MYOF: variants seen among roughly 807,000 people sequenced by gnomAD.
The protein encoded by MYOF is myoferlin.
In MYOF, 244 loss-of-function variants were observed where a neutral mutation model predicts 284.2. The ratio of observed to expected loss-of-function variants is 0.86; its 90% CI spans 0.77 to 0.95. The LOEUF (loss-of-function observed/expected upper bound fraction) is 0.95. MYOF is among the 40% of genes least tolerant of loss of function. The pLI is 0.00. For synonymous variants in MYOF, 904 were observed against 919.7 expected (o/e 0.98, Z 0.31); for missense variants, 2,496 against 2,560.6 (o/e 0.97, Z 0.54).
intron 25 of MYOF, among the ~76,000 whole-genome samples, chr10:93,367,130 G>A (rs969922383): frequency 3.9e-5 from 6 of 152,198 alleles, no homozygotes; most frequent in African/African-American, 9.7e-5. Flanking sequence ...AAAGTTATGA[G>A]CCTTAATTCC....
Position 93,396,229 on chromosome 10 carries a change from G to T in MYOF, c.1335-5C>A, listed in dbSNP as rs751836503. On this transcript the variant is annotated splice_region_variant and splice_polypyrimidine_tract_variant and intron_variant, in intron 15 of 53. Coordinates refer to ENST00000359263, the MANE Select transcript of MYOF (RefSeq NM_013451.4). ...TCATTTTTAGTAAGACGGTCCCTGT[G>T]TAAAAAATAAAAATAAAAAAATAAA... 2.5e-6 allele frequency: 4 copies of T among 1,568,980 alleles called. No individual in the cohort carries two copies. In the African/African-American group the frequency reaches 5.5e-5, roughly 22 times the overall value.
chr10:93,394,448 C>CTTTTTTTTTGTTT (rs1846873044), intron 16 of MYOF, among the ~76,000 whole-genome samples: 1 of 28,682 alleles, frequency 3.5e-5, no homozygotes, highest in Non-Finnish European at 6.5e-5. Context: ...ACCATCTTGT[C>CTTTTTTTTTGTTT]TTTTTTTTTT....
chr10:93,465,758 G>A (rs1381380274), intron 1 of MYOF, among the ~76,000 whole-genome samples: 7 of 151,952 alleles, frequency 4.6e-5, no homozygotes, highest in African/African-American at 1.7e-4. Context: ...CAGGTGATCC[G>A]CCCACCTCCG....
chr10:93,385,223 G>T (rs1057032532), intron 19 of MYOF, among the ~76,000 whole-genome samples: 2 of 152,194 alleles, frequency 1.3e-5, no homozygotes, highest in African/African-American at 4.8e-5. Context: ...AGAGGTTCCA[G>T]AAGCCAGCGG....
At chr10:93,372,237 A>C (rs1349219328) in intron 24 of MYOF, among the ~76,000 whole-genome samples, 1 of 152,184 alleles carries the variant, frequency 6.6e-6, no homozygotes, top group Non-Finnish European at 1.5e-5. Context: ...TATAGATGGG[A>C]ACTATTCTGA....
chr10:93,423,708 C>G (rs1047364641), intron 5 of MYOF, among the ~76,000 whole-genome samples: 6 of 151,566 alleles, frequency 4.0e-5, no homozygotes, highest in African/African-American at 1.5e-4. Context: ...TGGCGGGCGC[C>G]TATAGTCCCA....
At chr10:93,428,638 G>C (rs1325526749) in intron 4 of MYOF, among the ~76,000 whole-genome samples, 1 of 150,018 alleles carries the variant, frequency 6.7e-6, no homozygotes, top group African/African-American at 2.5e-5. Context: ...CCATTTTTCT[G>C]TTCATCAGTG....
At chr10:93,393,262 A>C (rs1346136932) in intron 16 of MYOF, among the ~76,000 whole-genome samples, 1 of 152,244 alleles carries the variant, frequency 6.6e-6, no homozygotes, top group Non-Finnish European at 1.5e-5. Flanking sequence ...CCAGCATTTC[A>C]CGTTTTTAAT....
chr10:93,477,953 T>A (rs1430547636), intron 1 of MYOF, among the ~76,000 whole-genome samples: 1 of 152,078 alleles, frequency 6.6e-6, no homozygotes, highest in African/African-American at 2.4e-5. Flanking sequence ...TGGGACAACT[T>A]ATATGTCTAG....
In MYOF at chr10:93,347,748, A is replaced by G; in HGVS notation, c.4118T>C (p.Leu1373Pro). The G allele has an allele frequency of 6.2e-7, 1 of 1,614,026 alleles. No homozygotes were observed. Among genetic ancestry groups the G allele is most frequent in the Non-Finnish European group, 8.5e-7 (1 of 1,179,970 alleles). ...LPKEELYMPPLVIKVIDHRQF... is the reference protein window; with the variant it reads ...LPKEELYMPPPVIKVIDHRQF... ...CCTGTGGTCGATGACCTTGATCACC[A>G]GTGGGGGCATGTACAATTCCTCCTT... Residue 1373 changes from leucine (L) to proline (P), a missense_variant, in exon 37 of 54, where the codon CTG becomes CCG. Physicochemically the swap from Leu to Pro is moderately conservative, Grantham distance 98. Coordinates refer to ENST00000359263, the MANE Select transcript of MYOF (RefSeq NM_013451.4).
chr10:93,339,412 ATACT>A (rs1289732960), intron 39 of MYOF, among the ~76,000 whole-genome samples: 2 of 145,762 alleles, frequency 1.4e-5, no homozygotes, highest in African/African-American at 4.9e-5. Context: ...TGTGTTACAC[ATACT>A]TACACAGAAT....
chr10:93,400,879 G>A (rs1485724740), intron 12 of MYOF, among the ~76,000 whole-genome samples: 1 of 117,042 alleles, frequency 8.5e-6, no homozygotes, highest in Admixed American at 9.5e-5. Flanking sequence ...TTTTTTTTGA[G>A]ATGGAGTCTC....
rs556447777 is a variant in MYOF at position 93,397,712 on chromosome 10, T to C, written c.1222-256A>G. On this transcript the variant is annotated intron_variant, in intron 13 of 53. Coordinates refer to ENST00000359263, the MANE Select transcript of MYOF (RefSeq NM_013451.4). ...TGTCAGGCTTCTAACATTAGATTAA[T>C]GTAAAAAAGCAAGAGATAAGGTTGA... is the stretch of plus-strand genomic sequence containing the variant. 9.2e-5 allele frequency among the ~76,000 whole-genome samples: 14 copies of C among 152,050 alleles called. 1 individual carries two copies. Among genetic ancestry groups the C allele is most frequent in the Admixed American group, 8.5e-4 (13 of 15,254 alleles).
At chr10:93,334,841 A>G (rs79418698) in intron 41 of MYOF, among the ~76,000 whole-genome samples, 3,254 of 152,258 alleles carry the variant, frequency 0.021, 124 homozygotes, top group African/African-American at 0.074. Flanking sequence ...CTCTTGTGCC[A>G]TATGTGATTG....
rs142134853 is a variant in MYOF at position 93,460,356 on chromosome 10, G to T, written c.89-3419C>A. ...GGATTGTTCCAGAGTCAGCAGCTGG[G>T]GAGTGTGAAAAGATTCATTTGTTCA... On this transcript the variant is annotated intron_variant, in intron 1 of 53. Coordinates refer to ENST00000359263, the MANE Select transcript of MYOF (RefSeq NM_013451.4). 2.6e-4 allele frequency among the ~76,000 whole-genome samples: 39 copies of T among 152,300 alleles called. No homozygotes were observed. In the East Asian group the frequency reaches 7.3e-3, roughly 29 times the overall value.
Position 93,482,247 on chromosome 10 carries a change from G to T in MYOF, c.-53C>A, listed in dbSNP as rs1407612150. 6.8e-7 allele frequency: 1 copy of T among 1,463,396 alleles called. No homozygotes were observed. Among genetic ancestry groups the T allele is most frequent in the Non-Finnish European group, 9.5e-7 (1 of 1,051,292 alleles). 90.7% of individuals were successfully genotyped at this position (1,463,396 alleles called of 1,614,324 possible). On this transcript the variant is annotated 5_prime_UTR_variant, in exon 1 of 54. Transcript: ENST00000359263. ...CAGCAAACGAAGTGGAGACTAGGGC[G>T]CTGGAGCTCCGGGTCGCACCGCCCT...
At chr10:93,402,793 A>G in intron 10 of MYOF, 67 bp downstream of exon 10, 1 of 1,422,394 alleles carries the variant, frequency 7.0e-7, no homozygotes, top group Non-Finnish European at 9.8e-7. Context: ...CTTGATTCTT[A>G]GAATCATCTT....
At chr10:93,463,656 T>C (rs916404888) in intron 1 of MYOF, among the ~76,000 whole-genome samples, 3 of 151,726 alleles carry the variant, frequency 2.0e-5, no homozygotes, top group African/African-American at 7.3e-5. Flanking sequence ...CGTCTCGGCC[T>C]CCCAAAGTGC....
intron 1 of MYOF, among the ~76,000 whole-genome samples, chr10:93,472,332 T>C (rs1305285367): frequency 6.6e-6 from 1 of 152,176 alleles, no homozygotes; most frequent in Non-Finnish European, 1.5e-5. Context: ...TGCAAAATGG[T>C]GCAGGATCTA....
Sources: allele counts gnomAD v4.1 joint callset (sites outside exome capture counted in the v4.1 genomes callset), GRCh38; gene constraint gnomAD v4.1.1; transcripts MANE v1.5; gene names NCBI Gene and HGNC (gene_info 2026-07-23, HGNC 2026-07-21).